Variants in PITPNM2 observed in about 807,000 individuals in gnomAD.
The protein encoded by PITPNM2 is phosphatidylinositol transfer protein membrane associated 2.
Under a neutral mutation model 132.2 loss-of-function variants are expected in PITPNM2, and 35 were observed. The observed-to-expected ratio is 0.26, with a 90% CI of 0.20 to 0.35. The LOEUF (loss-of-function observed/expected upper bound fraction) is 0.35, where lower values mean the gene tolerates loss of function less well. PITPNM2 is among the 10% of genes least tolerant of loss of function. The probability of loss-of-function intolerance (pLI) is 1.00; values close to 1 mark genes in which losing one functional copy is unlikely to be tolerated. For synonymous variants in PITPNM2, 738 were observed against 799.2 expected, an observed-to-expected ratio of 0.92 and a Z score of 1.29; for missense variants, 1,332 against 1,912.0, an observed-to-expected ratio of 0.70 and a Z score of 5.66.
intron 2 of PITPNM2, among the ~76,000 whole-genome samples, chr12:123,062,100 G>A (rs755587086): frequency 4.6e-5 from 7 of 152,196 alleles, no homozygotes; most frequent in Non-Finnish European, 5.9e-5. Context: ...GCTCCCCTCC[G>A]GTGCACCTGG....
chr12:123,124,246 G>C (rs1039606106), intron 1 of PITPNM2, among the ~76,000 whole-genome samples: 7 of 151,944 alleles, frequency 4.6e-5, no homozygotes, highest in African/African-American at 1.7e-4. Context: ...GACAGAGTGA[G>C]ACTCCGTCTC....
intron 2 of PITPNM2, among the ~76,000 whole-genome samples, chr12:123,063,575 A>G (rs2041318876): frequency 6.6e-6 from 1 of 152,146 alleles, no homozygotes; most frequent in Non-Finnish European, 1.5e-5. Context: ...CTCTCTTTGG[A>G]GGCAGAGCCC....
In PITPNM2 at chr12:122,992,023, C is replaced by T. The variant is rs955988914; in HGVS notation, c.2404+476G>A. On this transcript the variant is annotated intron_variant, in intron 16 of 25. Coordinates refer to ENST00000320201, the MANE Select transcript of PITPNM2 (RefSeq NM_020845.3). The surrounding 1 kb of genome is among the most constrained non-coding windows in gnomAD (Gnocchi z 6.5). ...GGACGTGACAAGACGCTGGGACACA[C>T]GCTGGGGCAGGGGTCGGGCCAAGCC... 14 of 936,584 alleles carry T rather than the reference C, an allele frequency of 1.5e-5. No individual in the cohort carries two copies. The highest frequency in any genetic ancestry group is 1.3e-4 in the East Asian group (4 of 31,050). 58.0% of individuals were successfully genotyped at this position (936,584 alleles called of 1,614,324 possible).
At chr12:123,019,128 T>C (rs1039929550) in intron 3 of PITPNM2, among the ~76,000 whole-genome samples, 3 of 152,158 alleles carry the variant, frequency 2.0e-5, no homozygotes, top group African/African-American at 7.2e-5. Context: ...TGGAATTAGG[T>C]AGTGGTGATG....
intron 2 of PITPNM2, among the ~76,000 whole-genome samples, chr12:123,096,123 A>G (rs530325124): frequency 6.6e-6 from 1 of 152,346 alleles, no homozygotes; most frequent in South Asian, 2.1e-4. Context: ...CTGAAGCCCT[A>G]AAGCACCAGG....
At position 123,031,610 on chromosome 12, in the gene PITPNM2, AC is replaced by A. The variant is rs1405781773; in HGVS notation, c.78+2902del. Among the ~76,000 whole-genome samples the A allele has an allele frequency of 6.6e-6, 1 of 151,354 alleles. No individual in the cohort carries two copies. The highest frequency in any genetic ancestry group is 2.4e-5 in the African/African-American group (1 of 41,136). ...CACTAGCACCTGTGATGTGCAGCAG[AC>A]CCCCTGCCCATCACCAAGCTGTCTA... On this transcript the variant is annotated intron_variant, in intron 3 of 25. Coordinates refer to ENST00000320201, the MANE Select transcript of PITPNM2 (RefSeq NM_020845.3). The surrounding 1 kb of genome is among the most constrained non-coding windows in gnomAD (Gnocchi z 4.5).
At chr12:123,107,505 C>T (rs919692334) in intron 2 of PITPNM2, among the ~76,000 whole-genome samples, 1 of 152,234 alleles carries the variant, frequency 6.6e-6, no homozygotes, top group East Asian at 1.9e-4. Flanking sequence ...TGGATTCCTC[C>T]ACAGCAAGGA....
At chr12:123,071,256 C>T (rs1034992172) in intron 2 of PITPNM2, among the ~76,000 whole-genome samples, 52 of 152,348 alleles carry the variant, frequency 3.4e-4, no homozygotes, top group African/African-American at 1.2e-3. Flanking sequence ...TAACTTCCAG[C>T]CCCTGCTCTT....
intron 3 of PITPNM2, among the ~76,000 whole-genome samples, chr12:123,030,297 C>T (rs1228014205): frequency 2.6e-5 from 4 of 152,180 alleles, no homozygotes; most frequent in African/African-American, 7.2e-5. Context: ...AATGGTGCAG[C>T]CACTGTGGAA....
At chr12:123,139,619 C>G (rs549517891) in intron 1 of PITPNM2, among the ~76,000 whole-genome samples, 9 of 152,180 alleles carry the variant, frequency 5.9e-5, no homozygotes, top group Non-Finnish European at 1.3e-4. Flanking sequence ...CCTGTCCTCT[C>G]CCACACACCA....
intron 1 of PITPNM2, among the ~76,000 whole-genome samples, chr12:123,119,501 G>C (rs966520145): frequency 1.3e-5 from 2 of 151,880 alleles, no homozygotes; most frequent in African/African-American, 4.8e-5. Context: ...GGGACTACAG[G>C]CACCCGCCAC....
chr12:123,018,431 A>C (rs994321241), intron 3 of PITPNM2, among the ~76,000 whole-genome samples: 8 of 150,964 alleles, frequency 5.3e-5, no homozygotes, highest in African/African-American at 1.7e-4. Flanking sequence ...AGCAGCTGGG[A>C]TTACAGGTGT....
chr12:123,026,596 G>A (rs1407442132), intron 3 of PITPNM2, among the ~76,000 whole-genome samples: 1 of 152,246 alleles, frequency 6.6e-6, no homozygotes. Context: ...CAGAGGCCTG[G>A]TGACCCACCT....
chr12:123,030,606 T>C (rs1373836075), intron 3 of PITPNM2, among the ~76,000 whole-genome samples: 1 of 150,558 alleles, frequency 6.6e-6, no homozygotes, highest in Non-Finnish European at 1.5e-5. Flanking sequence ...GGCAGGAGAA[T>C]GGCGTGAACC....
chr12:123,090,385 GA>G (rs2042225217), intron 2 of PITPNM2: 1 of 152,196 alleles, frequency 6.6e-6, no homozygotes, highest in Admixed American at 6.5e-5. Context: ...TTTGTTTAGA[GA>G]CAGAGTCTCT....
rs542757474 is a variant in PITPNM2 at position 123,005,123 on chromosome 12, T to C, written c.952+117A>G. ...CCAGGGCTCTGACTCCCTCTGGGCT[T>C]GGTGCCTCAATGTCCATGGGAAAGA... On this transcript the variant is annotated intron_variant, in intron 7 of 25. Transcript: ENST00000320201. This position sits in a 1 kb window ranked among gnomAD's most constrained non-coding sequence, Gnocchi z 6.2. 2 of 1,277,044 alleles carry C rather than the reference T, an allele frequency of 1.6e-6. No individual in the cohort carries two copies. Among genetic ancestry groups the C allele is most frequent in the Admixed American group, 4.3e-5 (2 of 46,454 alleles). The allele number at this position is 1,277,044 out of a possible 1,614,324, so 79.1% of individuals were successfully genotyped here.
Position 123,006,800 on chromosome 12 carries a change from G to T in PITPNM2, c.644-1252C>A, listed in dbSNP as rs544459328. Among the ~76,000 whole-genome samples the T allele has an allele frequency of 1.3e-4, 20 of 152,040 alleles. No individual in the cohort carries two copies. The South Asian group carries it at 4.2e-3, about 32-fold the overall frequency. On this transcript the variant is annotated intron_variant, in intron 6 of 25. Transcript: ENST00000320201. ...AGACTGGGGGTTGCCTTGGGCCAGG[G>T]TGGGATGGGGATGACAGTGAAATGG...
chr12:123,053,353 C>T (rs377686005), intron 2 of PITPNM2, among the ~76,000 whole-genome samples: 9 of 152,210 alleles, frequency 5.9e-5, no homozygotes, highest in Middle Eastern at 3.4e-3. Flanking sequence ...TTCTTACTGC[C>T]GTTTAGTTCA....
intron 3 of PITPNM2, among the ~76,000 whole-genome samples, chr12:123,032,314 T>A (rs1592959711): frequency 6.6e-6 from 1 of 152,124 alleles, no homozygotes; most frequent in Non-Finnish European, 1.5e-5. Flanking sequence ...CTGTCTCTAC[T>A]AAAAATACGA....
Sources: allele counts gnomAD v4.1 joint callset (sites outside exome capture counted in the v4.1 genomes callset), GRCh38; gene constraint gnomAD v4.1.1; non-coding constraint Gnocchi (gnomAD v3.1); transcripts MANE v1.5; gene names NCBI Gene and HGNC (gene_info 2026-07-23, HGNC 2026-07-21).